KIAA0586: variants seen among roughly 807,000 people sequenced by gnomAD.
KIAA0586 encodes protein TALPID3.
KIAA0586 carries 144 observed loss-of-function variants against 169.8 expected under a neutral mutation model. The ratio of observed to expected loss-of-function variants is 0.85; its 90% confidence interval spans 0.74 to 0.97. KIAA0586 has a LOEUF of 0.97. Among genes scored for constraint, KIAA0586 ranks in the 50% least tolerant of loss-of-function variants. The pLI is 0.00. For missense variants in KIAA0586, 1,854 were observed against 1,823.0 expected, an observed-to-expected ratio of 1.02 and a Z score of -0.31; for synonymous variants, 625 against 612.4, an observed-to-expected ratio of 1.02 and a Z score of -0.30.
At chr14:58,473,993 C>T (rs1263935425) in intron 18 of KIAA0586, among the ~76,000 whole-genome samples, 1 of 152,008 alleles carries the variant, frequency 6.6e-6, no homozygotes, top group Non-Finnish European at 1.5e-5. Flanking sequence ...TACTTCTGGT[C>T]AGGACCTCAG....
intron 29 of KIAA0586, among the ~76,000 whole-genome samples, chr14:58,530,736 A>G (rs1467053669): frequency 6.6e-6 from 1 of 152,200 alleles, no homozygotes. Context: ...AACCATAAAA[A>G]CCCTAGAAGA....
intron 18 of KIAA0586, 82 bp downstream of exon 18, chr14:58,472,361 TTA>T (rs1473720244): frequency 3.0e-6 from 2 of 672,994 alleles, no homozygotes; most frequent in Non-Finnish European, 4.8e-6. Flanking sequence ...ACTATCAATA[TTA>T]TGTTACAGTG....
At position 58,487,024 on chromosome 14, in the gene KIAA0586, A is replaced by T. The variant is rs749756433; in HGVS notation, c.3162A>T (p.Pro1054=). 32 of 1,610,240 alleles carry T rather than the reference A, an allele frequency of 2.0e-5. No homozygotes were observed. The South Asian group carries it at 3.2e-4, about 16-fold the overall frequency. The change falls in exon 22 of 31, where the codon CCA becomes CCT. Residue 1054 remains proline, a synonymous_variant. Coordinates refer to ENST00000652326, the MANE Select transcript of KIAA0586 (RefSeq NM_001329943.3). ...TATTTTAGGCAAGAGTGTGCACCCC[A>T]CTGCCTACCCCACAGCCTACGCCTC... is the stretch of plus-strand genomic sequence containing the variant. The part of the protein sequence containing the change: ...ETYLPARVCT[P]LPTPQPTPPC...
In KIAA0586 at chr14:58,506,759, A is replaced by G. The variant is rs1007451377; in HGVS notation, c.4169-1796A>G. Among the ~76,000 whole-genome samples, 6 of 152,296 alleles carry G rather than the reference A, an allele frequency of 3.9e-5. No homozygotes were observed. In the Middle Eastern group the frequency reaches 0.014, roughly 345 times the overall value. On this transcript the variant is annotated intron_variant, in intron 27 of 30. Coordinates refer to ENST00000652326, the MANE Select transcript of KIAA0586 (RefSeq NM_001329943.3). Reference sequence around the variant, plus strand: ...AAGCCCATTGAAAACCTAGATTAACATAAAAGATCAATCAGAGTGATTATT... The same window carrying G: ...AAGCCCATTGAAAACCTAGATTAACGTAAAAGATCAATCAGAGTGATTATT...
rs1465693561 is a variant in KIAA0586 at position 58,487,151 on chromosome 14, A to G, written c.3289A>G (p.Ile1097Val). Residue 1097 changes from isoleucine to valine, a missense_variant, in exon 22 of 31, where the codon ATA becomes GTA. Transcript: ENST00000652326. ...TGATATGGCTTTTCCTGTGAAAGAA[A>G]TATGTGCTGAAAAAGGTAGAAACTT... Reference protein sequence around the residue: ...DHDMAFPVKEICAEKGDDMPA... With the variant: ...DHDMAFPVKEVCAEKGDDMPA... 15 of 1,609,878 alleles carry G rather than the reference A, an allele frequency of 9.3e-6. No homozygotes were observed. The highest frequency in any genetic ancestry group is 1.3e-5 in the Non-Finnish European group (15 of 1,178,768).
chr14:58,509,927 ACTTAT>A (rs547049226), intron 28 of KIAA0586, among the ~76,000 whole-genome samples: 75 of 152,350 alleles, frequency 4.9e-4, no homozygotes, highest in African/African-American at 1.6e-3. Context: ...TTTACAAATC[ACTTAT>A]CTTATCAAAG....
intron 16 of KIAA0586, among the ~76,000 whole-genome samples, chr14:58,469,801 G>GT (rs1365560558): frequency 2.6e-5 from 4 of 152,104 alleles, no homozygotes; most frequent in African/African-American, 7.2e-5. Flanking sequence ...AACTAAATAA[G>GT]TTTTGCCAGT....
Position 58,487,012 on chromosome 14 carries a change from A to C in KIAA0586, c.3150A>C (p.Arg1050Ser). ...ASTNETYLPA[R>S]VCTPLPTPQP... ...TCTTGTTTTATTTATTTTAGGCAAGAGTGTGCACCCCACTGCCTACCCCAC... is the reference window on the plus strand; with the variant it reads ...TCTTGTTTTATTTATTTTAGGCAAGCGTGTGCACCCCACTGCCTACCCCAC... Residue 1050 changes from arginine (R) to serine (S), a missense_variant, in exon 22 of 31, where the codon AGA becomes AGC. Transcript: ENST00000652326. The C allele has an allele frequency of 6.3e-6, 10 of 1,596,372 alleles. No individual in the cohort carries two copies. The highest frequency in any genetic ancestry group is 7.7e-6 in the Non-Finnish European group (9 of 1,173,594).
chr14:58,510,945 T>C lies in KIAA0586; in HGVS notation c.4324-1577T>C, dbSNP rs370877654. Among the ~76,000 whole-genome samples, 4 of 152,198 alleles carry C rather than the reference T, an allele frequency of 2.6e-5. 1 individual carries two copies. On this transcript the variant is annotated intron_variant, in intron 28 of 30. Coordinates refer to ENST00000652326, the MANE Select transcript of KIAA0586 (RefSeq NM_001329943.3). ...TTTATAGTAATAGCATTTCAGTTAT[T>C]TTGGGGTGATGGTAGGAGTTAGAGG... is the stretch of plus-strand genomic sequence containing the variant.
intron 6 of KIAA0586, among the ~76,000 whole-genome samples, chr14:58,448,080 A>G (rs2039054468): frequency 6.6e-6 from 1 of 152,196 alleles, no homozygotes; most frequent in Non-Finnish European, 1.5e-5. Context: ...TAGAAAGGAC[A>G]GCACTGAGGT....
downstream of KIAA0586, among the ~76,000 whole-genome samples, chr14:58,551,586 A>G (rs1164667414): frequency 6.6e-6 from 1 of 151,780 alleles, no homozygotes; most frequent in Non-Finnish European, 1.5e-5. Flanking sequence ...ACATGGTGAA[A>G]CCCCGTCTCT....
intron 4 of KIAA0586, among the ~76,000 whole-genome samples, chr14:58,433,876 G>A (rs2037586416): frequency 1.3e-5 from 2 of 152,070 alleles, no homozygotes; most frequent in South Asian, 2.1e-4. Context: ...GTGTGTGCCT[G>A]TAGTCCCAGG....
chr14:58,501,684 C>T (rs1456807493), intron 27 of KIAA0586, among the ~76,000 whole-genome samples: 1 of 152,240 alleles, frequency 6.6e-6, no homozygotes, highest in East Asian at 1.9e-4. Flanking sequence ...AGCAGAATAG[C>T]TAAGAGTTTA....
chr14:58,553,959 C>A (rs1422510536), downstream of KIAA0586, among the ~76,000 whole-genome samples: 1 of 152,154 alleles, frequency 6.6e-6, no homozygotes, highest in Non-Finnish European at 1.5e-5. Context: ...TGTTGTCTGA[C>A]CCTCACACAT....
chr14:58,542,205 G>A (rs1003098027), intron 30 of KIAA0586, among the ~76,000 whole-genome samples: 3 of 152,108 alleles, frequency 2.0e-5, no homozygotes, highest in African/African-American at 7.2e-5. Context: ...TCAGCCGGGC[G>A]CAGTGGCTCA....
chr14:58,498,542 A>G (rs1331571433), intron 26 of KIAA0586, among the ~76,000 whole-genome samples: 2 of 152,156 alleles, frequency 1.3e-5, no homozygotes, highest in Admixed American at 6.5e-5. Flanking sequence ...TTGGTGCTTG[A>G]AAAACTGGTT....
chr14:58,499,065 T>A, intron 27 of KIAA0586, 105 bp downstream of exon 27: 1 of 973,430 alleles, frequency 1.0e-6, no homozygotes. Flanking sequence ...ATTTCTTTAT[T>A]AAAAGGGATT....
At chr14:58,540,677 A>G (rs2046590574) in intron 30 of KIAA0586, among the ~76,000 whole-genome samples, 1 of 152,222 alleles carries the variant, frequency 6.6e-6, no homozygotes, top group Non-Finnish European at 1.5e-5. Flanking sequence ...TTTGAAAAAT[A>G]AAAAAAGTAA....
chr14:58,553,181 A>G (rs1307732902), downstream of KIAA0586, among the ~76,000 whole-genome samples: 1 of 152,248 alleles, frequency 6.6e-6, no homozygotes, highest in Non-Finnish European at 1.5e-5. Flanking sequence ...AATTACAACA[A>G]CAGCCTGAGT....
Sources: gnomAD v4.1 joint callset for allele counts (sites outside exome capture counted in the v4.1 genomes callset) on GRCh38, gnomAD v4.1.1 for gene constraint, MANE v1.5 for transcripts, NCBI Gene and HGNC (gene_info 2026-07-23, HGNC 2026-07-21) for gene names.